RBFOX1: variants seen among roughly 807,000 people sequenced by gnomAD.
The protein encoded by RBFOX1 is RNA binding fox-1 homolog 1, also known as RNA binding protein fox-1 homolog 1.
RBFOX1 carries 8 observed loss-of-function variants against 57.7 expected under a neutral mutation model. That is an observed-to-expected ratio of 0.14 (90% CI 0.08 to 0.25). The LOEUF (loss-of-function observed/expected upper bound fraction) is 0.25. Ranked by LOEUF, RBFOX1 falls within the 10% of genes least tolerant of loss-of-function variation. The probability of loss-of-function intolerance (pLI) is 1.00; values close to 1 mark genes in which losing one functional copy is unlikely to be tolerated. For synonymous variants in RBFOX1, 326 were observed against 222.4 expected (o/e 1.47, Z -4.15); for missense variants, 611 against 548.5 (o/e 1.11, Z -1.14).
chr16:5,637,676 C>CAGA (rs1421341645), intron 3 of RBFOX1, among the ~76,000 whole-genome samples: 1 of 152,102 alleles, frequency 6.6e-6, no homozygotes, highest in Admixed American at 6.5e-5. Context: ...CTGATGAATC[C>CAGA]AGTAGTTCCC....
rs1412328269 is a variant in RBFOX1, at chr16:6,722,396, T to C, written c.-16+67746T>C. ...AGGTTGCTCTAAGTCATCTTGGTCA[T>C]GTCCTTAGGAAGTATATTATTTGCA... On this transcript the variant is annotated intron_variant, in intron 3 of 15. Transcript: ENST00000550418. Among the ~76,000 whole-genome samples the C allele has an allele frequency of 3.3e-5, 5 of 152,354 alleles. No homozygotes were observed. In the South Asian group the frequency reaches 6.2e-4, roughly 19 times the overall value.
intron 2 of RBFOX1, among the ~76,000 whole-genome samples, chr16:6,392,683 A>G (rs980388149): frequency 1.3e-5 from 2 of 152,206 alleles, no homozygotes; most frequent in Non-Finnish European, 2.9e-5. Flanking sequence ...CTCAGAGTAG[A>G]TGTTGTTCCA....
chr16:6,280,680 T>C (rs2076281603), intron 1 of RBFOX1, among the ~76,000 whole-genome samples: 1 of 152,030 alleles, frequency 6.6e-6, no homozygotes, highest in Admixed American at 6.5e-5. Flanking sequence ...GGAAATTATA[T>C]AACCAAAATT....
At chr16:7,148,258 C>T (rs1000446746) in intron 4 of RBFOX1, among the ~76,000 whole-genome samples, 1 of 152,192 alleles carries the variant, frequency 6.6e-6, no homozygotes, top group Non-Finnish European at 1.5e-5. Context: ...AGTTTAAAGG[C>T]ACACTCTGGC....
chr16:6,451,790 GTGACTCCATCCATGACTCCTTCCTCCCA>G (rs2094630556), intron 2 of RBFOX1, among the ~76,000 whole-genome samples: 2 of 151,980 alleles, frequency 1.3e-5, no homozygotes, highest in Non-Finnish European at 2.9e-5. Context: ...TCTTCCTCCC[GTGACTCCATCCATGACTCCTTCCTCCCA>G]TGACTCCATC....
At chr16:7,139,935 C>T (rs981263837) in intron 4 of RBFOX1, among the ~76,000 whole-genome samples, 3 of 151,912 alleles carry the variant, frequency 2.0e-5, no homozygotes, top group African/African-American at 4.8e-5. Context: ...AGACATAAGC[C>T]TGGAAGGAAG....
At chr16:5,999,222 C>G (rs2060543892) in intron 4 of RBFOX1, among the ~76,000 whole-genome samples, 1 of 152,186 alleles carries the variant, frequency 6.6e-6, no homozygotes, top group South Asian at 2.1e-4. Context: ...CACCTCTTCC[C>G]TTCTCCCACC....
At chr16:7,068,008 A>G (rs568989913) in intron 4 of RBFOX1, among the ~76,000 whole-genome samples, 48 of 138,042 alleles carry the variant, frequency 3.5e-4, no homozygotes, top group African/African-American at 1.1e-3. Flanking sequence ...AAAGCCAGCC[A>G]TGGTTTCATG....
At chr16:6,300,520 C>G (rs1297027339) in intron 1 of RBFOX1, among the ~76,000 whole-genome samples, 1 of 152,162 alleles carries the variant, frequency 6.6e-6, no homozygotes, top group Non-Finnish European at 1.5e-5. Context: ...GAGACTTGCA[C>G]CTGTGGTACA....
chr16:7,436,514 T>G (rs940317704), intron 4 of RBFOX1, among the ~76,000 whole-genome samples: 3 of 152,234 alleles, frequency 2.0e-5, no homozygotes, highest in African/African-American at 4.8e-5. Flanking sequence ...CATGGCGTTA[T>G]GCCTCATCCA....
chr16:5,900,199 T>C (rs973101636), intron 4 of RBFOX1, among the ~76,000 whole-genome samples: 1 of 152,198 alleles, frequency 6.6e-6, no homozygotes, highest in Non-Finnish European at 1.5e-5. Flanking sequence ...CCAAATGTCA[T>C]GGGTGGGGCC....
At chr16:5,898,467 T>C (rs1007062482) in intron 4 of RBFOX1, among the ~76,000 whole-genome samples, 1 of 151,798 alleles carries the variant, frequency 6.6e-6, no homozygotes, top group African/African-American at 2.4e-5. Context: ...AATAATCCAC[T>C]GTCCTGTGTG....
At chr16:7,335,298 A>G (rs748711515) in intron 4 of RBFOX1, among the ~76,000 whole-genome samples, 19 of 152,170 alleles carry the variant, frequency 1.2e-4, no homozygotes, top group South Asian at 2.1e-4. Flanking sequence ...CCTCTAGGGA[A>G]TTAAGGTTCT....
chr16:6,393,029 G>T (rs1176446040), intron 2 of RBFOX1, among the ~76,000 whole-genome samples: 1 of 152,162 alleles, frequency 6.6e-6, no homozygotes, highest in East Asian at 1.9e-4. Context: ...AAGGGAGGTT[G>T]AACAATAGGC....
chr16:6,940,688 C>T (rs1162360718), intron 3 of RBFOX1, among the ~76,000 whole-genome samples: 1 of 152,084 alleles, frequency 6.6e-6, no homozygotes, highest in African/African-American at 2.4e-5. Context: ...AGCTCCGCCT[C>T]CCGGGTTCAC....
chr16:6,703,564 G>T (rs2062192532), intron 3 of RBFOX1, among the ~76,000 whole-genome samples: 1 of 152,074 alleles, frequency 6.6e-6, no homozygotes, highest in African/African-American at 2.4e-5. Flanking sequence ...AATAAAAAAA[G>T]CCTGGTGTGG....
intron 3 of RBFOX1, among the ~76,000 whole-genome samples, chr16:6,872,925 C>T (rs1051594456): frequency 4.6e-5 from 7 of 152,110 alleles, no homozygotes; most frequent in African/African-American, 1.7e-4. Flanking sequence ...CAGTAACCTC[C>T]CTGACACTTG....
intron 1 of RBFOX1, among the ~76,000 whole-genome samples, chr16:6,221,562 A>C (rs1457013017): frequency 6.6e-6 from 1 of 152,052 alleles, no homozygotes; most frequent in Non-Finnish European, 1.5e-5. Flanking sequence ...ATTTGTTAAT[A>C]TGATCTTAAG....
At chr16:6,591,202 T>C (rs2097705513) in intron 2 of RBFOX1, among the ~76,000 whole-genome samples, 1 of 152,132 alleles carries the variant, frequency 6.6e-6, no homozygotes, top group African/African-American at 2.4e-5. Flanking sequence ...TCCCAGTGCT[T>C]TGGGAGGCCA....
Sources: allele counts gnomAD v4.1 joint callset (sites outside exome capture counted in the v4.1 genomes callset), GRCh38; gene constraint gnomAD v4.1.1; transcripts MANE v1.5; gene names NCBI Gene and HGNC (gene_info 2026-07-23, HGNC 2026-07-21).